MSR1: variants seen among roughly 807,000 people sequenced by gnomAD.
MSR1 encodes the protein macrophage scavenger receptor 1.
A neutral mutation model predicts 47.2 loss-of-function variants in MSR1; 53 were observed. The observed-to-expected ratio is 1.12, with a 90% CI of 0.90 to 1.41. MSR1 has a LOEUF of 1.41. Among genes scored for constraint, MSR1 ranks in the 40% most tolerant of loss-of-function variants. The pLI, the probability that MSR1 is intolerant of heterozygous loss-of-function variation, is 0.00. For synonymous variants in MSR1, 239 were observed against 185.6 expected, an observed-to-expected ratio of 1.29 and a Z score of -2.34; for missense variants, 786 against 546.9, an observed-to-expected ratio of 1.44 and a Z score of -4.36.
At position 16,127,301 on chromosome 8, in the gene MSR1, CA is replaced by C. The variant is rs1469348425; in HGVS notation, c.1034-6696del. 2.8e-4 allele frequency among the ~76,000 whole-genome samples: 42 copies of C among 152,100 alleles called. 1 individual carries two copies. The highest frequency in any genetic ancestry group is 1.5e-5 in the Non-Finnish European group (1 of 68,010). On this transcript the variant is annotated intron_variant, in intron 8 of 9. Transcript: ENST00000262101. Reference sequence around the variant, plus strand: ...CAACTTCTAGAACAATACTAGAATACATATGACCACTTAGAGAGTTACAAAT... The same window carrying C: ...CAACTTCTAGAACAATACTAGAATACTATGACCACTTAGAGAGTTACAAAT...
intron 7 of MSR1, 48 bp from the exon 8 acceptor site, chr8:16,143,659 A>T (rs775931669): frequency 2.1e-6 from 3 of 1,451,074 alleles, no homozygotes; most frequent in Admixed American, 1.7e-5. Flanking sequence ...GCAATTCACA[A>T]TGTTTGCTTT....
At chr8:16,158,930 A>ATTTTTTTTT (rs34495946) in intron 5 of MSR1, among the ~76,000 whole-genome samples, 1 of 107,804 alleles carries the variant, frequency 9.3e-6, no homozygotes, top group East Asian at 2.8e-4. Context: ...CCTTTGGTTA[A>ATTTTTTTTT]TTTTTTTTTT....
intron 8 of MSR1, chr8:16,139,756 AAAAAAAAAAAAAAAAAAAATATATATAT>A (rs1800483583): frequency 6.7e-6 from 1 of 150,146 alleles, no homozygotes; most frequent in African/African-American, 9.1e-5. Context: ...TTAAAAAAAA[AAAAAAAAAAAAAAAAAAAATATATATAT>A]ATATATATAT....
Position 16,108,753 on chromosome 8 carries a change from T to C in MSR1, c.*1332A>G, listed in dbSNP as rs768776838. 6.6e-6 allele frequency: 1 copy of C among 152,020 alleles called. No individual in the cohort carries two copies. Among genetic ancestry groups the C allele is most frequent in the Non-Finnish European group, 1.5e-5 (1 of 67,976 alleles). 9.4% of individuals were successfully genotyped at this position (152,020 alleles called of 1,614,324 possible). A position where few individuals can be genotyped will look rare whatever the true frequency, so the allele number is the denominator to read the frequency against. ...CAGTAATTCCAATTCCAAGGTAAGGTTTTGCCTTTTTAAGTTGGACGGCTG... is the reference window on the plus strand; with the variant it reads ...CAGTAATTCCAATTCCAAGGTAAGGCTTTGCCTTTTTAAGTTGGACGGCTG... On this transcript the variant is annotated 3_prime_UTR_variant, in exon 10 of 10. Coordinates refer to ENST00000262101, the MANE Select transcript of MSR1 (RefSeq NM_138715.3).
intron 1 of MSR1, among the ~76,000 whole-genome samples, chr8:16,183,621 T>TAGGCAA (rs1801904750): frequency 1.1e-5 from 1 of 89,258 alleles, no homozygotes; most frequent in African/African-American, 5.3e-5. Context: ...AAATATATAA[T>TAGGCAA]ATATATAATA....
intron 1 of MSR1, among the ~76,000 whole-genome samples, chr8:16,181,960 T>TA (rs576926475): frequency 5.3e-5 from 8 of 152,298 alleles, no homozygotes; most frequent in South Asian, 2.1e-4. Context: ...AGGACAAAGA[T>TA]ACGTTCTGAG....
At chr8:16,165,206 C>T (rs572546835) in intron 4 of MSR1, among the ~76,000 whole-genome samples, 4 of 152,032 alleles carry the variant, frequency 2.6e-5, no homozygotes, top group African/African-American at 4.8e-5. Context: ...CAACCATTGC[C>T]GTACTACTCT....
At chr8:16,111,886 A>G (rs1368391437) in intron 9 of MSR1, among the ~76,000 whole-genome samples, 4 of 152,198 alleles carry the variant, frequency 2.6e-5, no homozygotes, top group African/African-American at 9.7e-5. Context: ...CTCACCCTGT[A>G]TCCACCCTGA....
chr8:16,172,262 G>A (rs1801507238), intron 3 of MSR1, among the ~76,000 whole-genome samples: 1 of 152,138 alleles, frequency 6.6e-6, no homozygotes, highest in Non-Finnish European at 1.5e-5. Context: ...GCCCCAATGT[G>A]ACTAAGGTCA....
intron 5 of MSR1, among the ~76,000 whole-genome samples, chr8:16,159,262 C>A (rs1801097228): frequency 6.6e-6 from 1 of 151,742 alleles, no homozygotes; most frequent in African/African-American, 2.4e-5. Context: ...TCCAAATAAA[C>A]AAAATGTTAG....
intron 6 of MSR1, 55 bp from the exon 7 acceptor site, chr8:16,150,366 G>C (rs1192055303): frequency 4.8e-6 from 5 of 1,032,484 alleles, no homozygotes; most frequent in Non-Finnish European, 7.0e-6. Flanking sequence ...ATACAGACTT[G>C]AGAGTATAAT....
chr8:16,171,102 C>T (rs1801472264), intron 3 of MSR1, among the ~76,000 whole-genome samples: 1 of 151,746 alleles, frequency 6.6e-6, no homozygotes, highest in Admixed American at 6.6e-5. Flanking sequence ...TGGGTGCCTG[C>T]AGTCCCAGCT....
chr8:16,175,250 C>A lies in MSR1; in HGVS notation c.154G>T (p.Ala52Ser). ...LQEKLKSFKA[A>S]LIALYLLVFA... is the part of the protein sequence containing the mutation. ...ACGAGGAGGTAAAGGGCAATCAGTG[C>A]AGCTTTGAAGGACTTCAGTTTCTCT... The change falls in exon 3 of 10, where the codon GCA becomes TCA. Residue 52 changes from alanine (A) to serine (S), a missense_variant. Coordinates refer to ENST00000262101, the MANE Select transcript of MSR1 (RefSeq NM_138715.3). 1.2e-6 allele frequency: 2 copies of A among 1,614,036 alleles called. No homozygotes were observed. Among genetic ancestry groups the A allele is most frequent in the Non-Finnish European group, 1.7e-6 (2 of 1,180,004 alleles).
Position 16,168,820 on chromosome 8 carries a change from C to T in MSR1, c.268G>A (p.Ala90Thr). 1 of 1,613,898 alleles carries T rather than the reference C, an allele frequency of 6.2e-7. No homozygotes were observed. The highest frequency in any genetic ancestry group is 1.3e-5 in the African/African-American group (1 of 75,030). Reference protein sequence around the residue: ...TKNCSVSSTNANDITQSLTGK... With the variant: ...TKNCSVSSTNTNDITQSLTGK... Reference sequence around the variant, plus strand: ...GTGAGACTTTGAGTTATATCATTTGCATTAGTTGAACTAACTGAGCAATTC... The same window carrying T: ...GTGAGACTTTGAGTTATATCATTTGTATTAGTTGAACTAACTGAGCAATTC... The change falls in exon 4 of 10, where the codon GCA becomes ACA. Residue 90 changes from alanine to threonine, a missense_variant. By Grantham distance (58) the Ala-to-Thr change is moderately conservative. Transcript: ENST00000262101.
At chr8:16,158,055 G>A (rs1380539179) in intron 5 of MSR1, among the ~76,000 whole-genome samples, 2 of 151,734 alleles carry the variant, frequency 1.3e-5, no homozygotes, top group African/African-American at 2.4e-5. Context: ...TAACTGCCTC[G>A]TTGCATCAAT....
At chr8:16,164,710 G>C (rs2117171198) in intron 4 of MSR1, among the ~76,000 whole-genome samples, 1 of 152,056 alleles carries the variant, frequency 6.6e-6, no homozygotes, top group Non-Finnish European at 1.5e-5. Context: ...CAGTGGTGAT[G>C]ATCATTGACA....
intron 3 of MSR1, among the ~76,000 whole-genome samples, chr8:16,172,255 C>G (rs940764793): frequency 2.6e-5 from 4 of 152,002 alleles, no homozygotes; most frequent in African/African-American, 4.8e-5. Flanking sequence ...AAGAGAAGCC[C>G]CAATGTGACT....
At chr8:16,122,629 T>G (rs6989220) in intron 8 of MSR1, among the ~76,000 whole-genome samples, 13,600 of 152,058 alleles carry the variant, frequency 0.089, 891 homozygotes, top group South Asian at 0.18. Flanking sequence ...AACAGCTAAT[T>G]CTGTTGGTCC....
At chr8:16,111,489 T>C (rs943663169) in intron 9 of MSR1, among the ~76,000 whole-genome samples, 2 of 152,106 alleles carry the variant, frequency 1.3e-5, no homozygotes, top group Non-Finnish European at 2.9e-5. Flanking sequence ...AGTGCAGAAT[T>C]TGTACAATCC....
Sources: allele counts gnomAD v4.1 joint callset (sites outside exome capture counted in the v4.1 genomes callset), GRCh38; gene constraint gnomAD v4.1.1; transcripts MANE v1.5; gene names NCBI Gene and HGNC (gene_info 2026-07-23, HGNC 2026-07-21).